Variants in CCDC7 observed in about 807,000 individuals in gnomAD.
CCDC7 encodes the protein coiled-coil domain-containing protein 7.
In CCDC7, 183 loss-of-function variants were observed where a neutral mutation model predicts 196.9. That is an observed-to-expected ratio of 0.93 (90% CI 0.82 to 1.05). The LOEUF (loss-of-function observed/expected upper bound fraction) is 1.05, where lower values mean the gene tolerates loss of function less well. Ranked by LOEUF, CCDC7 falls within the 50% of genes least tolerant of loss-of-function variation. The pLI, the probability that CCDC7 is intolerant of heterozygous loss-of-function variation, is 0.00. For missense variants in CCDC7, 1,540 were observed against 1,482.2 expected, an observed-to-expected ratio of 1.04 and a Z score of -0.64; for synonymous variants, 525 against 484.6, an observed-to-expected ratio of 1.08 and a Z score of -1.10.
At chr10:32,685,565 A>G (rs943739194) in intron 21 of CCDC7, among the ~76,000 whole-genome samples, 2 of 152,240 alleles carry the variant, frequency 1.3e-5, no homozygotes, top group East Asian at 1.9e-4. Context: ...ACTTTATGGT[A>G]TATACATTGG....
intron 8 of CCDC7, among the ~76,000 whole-genome samples, chr10:32,486,371 T>C (rs2041088443): frequency 6.6e-6 from 1 of 151,672 alleles, no homozygotes; most frequent in Non-Finnish European, 1.5e-5. Context: ...TCCATCCCTT[T>C]ATTTTGAGCC....
At position 32,699,126 on chromosome 10, in the gene CCDC7, C is replaced by T. The variant is rs538306275; in HGVS notation, c.2458+4134C>T. 3.6e-4 allele frequency among the ~76,000 whole-genome samples: 54 copies of T among 152,112 alleles called. No homozygotes were observed. In the South Asian group the frequency reaches 0.011, roughly 31 times the overall value. The stretch of plus-strand genomic sequence containing the variant: ...CGTGCAGGTTTGTTACATATGTATA[C>T]ATGTGCCATGTTGGTGTTCTGCACC... On this transcript the variant is annotated intron_variant, in intron 24 of 41. Coordinates refer to ENST00000639629, the Ensembl canonical transcript of CCDC7.
chr10:32,503,190 T>A (rs747261659), intron 9 of CCDC7, among the ~76,000 whole-genome samples: 15 of 152,324 alleles, frequency 9.8e-5, no homozygotes, highest in Non-Finnish European at 2.2e-4. Flanking sequence ...CTATGTTGAA[T>A]AGAAGTGGTG....
At chr10:32,750,312 G>A (rs200945766) in intron 28 of CCDC7, among the ~76,000 whole-genome samples, 115 of 152,202 alleles carry the variant, frequency 7.6e-4, no homozygotes, top group African/African-American at 2.6e-3. Context: ...AGCACAAATT[G>A]GGTTTCATTT....
chr10:32,813,408 C>T (rs2087619836), intron 30 of CCDC7, among the ~76,000 whole-genome samples: 1 of 152,298 alleles, frequency 6.6e-6, no homozygotes. Flanking sequence ...ACCATTACCT[C>T]CTTGATTCAT....
chr10:32,778,857 A>G (rs2080554875), intron 28 of CCDC7, 120 bp from the exon 30 acceptor site: 5 of 667,182 alleles, frequency 7.5e-6, no homozygotes, highest in Non-Finnish European at 1.0e-5. Flanking sequence ...TTTCTTTTGC[A>G]GTGTTTTTGC....
intron 28 of CCDC7, among the ~76,000 whole-genome samples, chr10:32,760,319 A>G (rs1486230574): frequency 6.6e-6 from 1 of 152,170 alleles, no homozygotes; most frequent in East Asian, 1.9e-4. Context: ...GGCACTATTC[A>G]CAATAGCAAA....
chr10:32,819,560 A>T (rs2089696553), intron 31 of CCDC7, among the ~76,000 whole-genome samples: 1 of 152,326 alleles, frequency 6.6e-6, no homozygotes, highest in East Asian at 1.9e-4. Flanking sequence ...CGATGCAAAA[A>T]TCCTCAATAA....
intron 21 of CCDC7, among the ~76,000 whole-genome samples, chr10:32,667,863 G>T (rs1357371780): frequency 6.6e-6 from 1 of 152,020 alleles, no homozygotes. Flanking sequence ...CTCTTTTTTG[G>T]TTCCATATGA....
At chr10:32,451,838 G>A (rs1364273985) in exon 1 of CCDC7, 2 of 1,614,184 alleles carry the variant, frequency 1.2e-6, no homozygotes, top group Non-Finnish European at 1.7e-6. Context: ...TTTACGGTAT[G>A]CTTTGCCCAT....
At chr10:32,549,540 G>T (rs887805965) in intron 13 of CCDC7, among the ~76,000 whole-genome samples, 2 of 152,116 alleles carry the variant, frequency 1.3e-5, no homozygotes, top group African/African-American at 4.8e-5. Context: ...AATTTTTATA[G>T]TTTTATGTCT....
At chr10:32,746,125 G>A (rs756692579) in intron 28 of CCDC7, among the ~76,000 whole-genome samples, 2 of 152,004 alleles carry the variant, frequency 1.3e-5, no homozygotes, top group African/African-American at 4.8e-5. Flanking sequence ...TCAAGAAGAC[G>A]GACACACTCT....
intron 5 of CCDC7, 51 bp downstream of exon 6, chr10:32,463,100 AAAAGC>A: frequency 2.5e-6 from 4 of 1,601,924 alleles, no homozygotes; most frequent in Non-Finnish European, 3.4e-6. Context: ...AACTCATTTG[AAAAGC>A]AATTTGGATT....
chr10:32,821,358 T>C (rs1254238240), intron 31 of CCDC7, among the ~76,000 whole-genome samples: 1 of 152,124 alleles, frequency 6.6e-6, no homozygotes, highest in Non-Finnish European at 1.5e-5. Flanking sequence ...TTTTACACTG[T>C]TGGTGGGACT....
At chr10:32,723,739 C>T (rs145844507) in intron 25 of CCDC7, among the ~76,000 whole-genome samples, 2 of 152,210 alleles carry the variant, frequency 1.3e-5, no homozygotes, top group Admixed American at 6.6e-5. Context: ...AGATTTCCTT[C>T]TTCATCGTGG....
intron 11 of CCDC7, among the ~76,000 whole-genome samples, chr10:32,526,641 C>T (rs2048720934): frequency 6.6e-6 from 1 of 152,162 alleles, no homozygotes; most frequent in Non-Finnish European, 1.5e-5. Context: ...CCTGCTAGTA[C>T]TGGGTCCTTC....
chr10:32,847,840 T>G (rs375379901), exon 38 of CCDC7: 9 of 1,607,594 alleles, frequency 5.6e-6, no homozygotes, highest in Non-Finnish European at 6.0e-6. Context: ...TAGAGACTGA[T>G]GTAGAACCCT....
At chr10:32,860,075 C>T (rs1349034592) in intron 41 of CCDC7, among the ~76,000 whole-genome samples, 1 of 152,180 alleles carries the variant, frequency 6.6e-6, no homozygotes, top group African/African-American at 2.4e-5. Context: ...AGGCCAGCAT[C>T]ATCCTGATAC....
intron 21 of CCDC7, among the ~76,000 whole-genome samples, chr10:32,681,736 TATACACAC>T (rs1170928158): frequency 6.0e-5 from 6 of 100,182 alleles, no homozygotes; most frequent in South Asian, 6.8e-4. Context: ...TATTTATATG[TATACACAC>T]ACACACACAC....
Sources: allele counts gnomAD v4.1 joint callset (sites outside exome capture counted in the v4.1 genomes callset), GRCh38; gene constraint gnomAD v4.1.1; transcripts MANE v1.5; gene names NCBI Gene and HGNC (gene_info 2026-07-23, HGNC 2026-07-21).